DENND5B: variants seen among roughly 807,000 people sequenced by gnomAD.
The protein encoded by DENND5B is DENN domain-containing protein 5B.
Under a neutral mutation model 140.6 loss-of-function variants are expected in DENND5B, and 34 were observed. The ratio of observed to expected loss-of-function variants is 0.24; its 90% confidence interval spans 0.18 to 0.32. The LOEUF (loss-of-function observed/expected upper bound fraction) is 0.32. DENND5B is among the 10% of genes least tolerant of loss of function. DENND5B has a pLI of 1.00. For synonymous variants in DENND5B, 551 were observed against 562.1 expected (o/e 0.98, Z 0.28); for missense variants, 1,142 against 1,560.2 (o/e 0.73, Z 4.52).
At chr12:31,536,409 A>G (rs116705672) in intron 1 of DENND5B, among the ~76,000 whole-genome samples, 151 of 152,250 alleles carry the variant, frequency 9.9e-4, no homozygotes, top group African/African-American at 3.6e-3. Context: ...GAAATTCTGG[A>G]GTTGAAATAT....
chr12:31,405,557 T>TGTAC (rs1489743453), intron 14 of DENND5B, among the ~76,000 whole-genome samples: 5 of 151,546 alleles, frequency 3.3e-5, no homozygotes, highest in Non-Finnish European at 7.4e-5. Flanking sequence ...TATGTATGTA[T>TGTAC]GTATTTTTGA....
At chr12:31,501,651 T>C (rs1473069646) in intron 1 of DENND5B, among the ~76,000 whole-genome samples, 2 of 151,618 alleles carry the variant, frequency 1.3e-5, no homozygotes, top group South Asian at 2.1e-4. Flanking sequence ...TGCATGCCTG[T>C]AGTCCCAGCT....
At chr12:31,435,814 C>T (rs897318010) in intron 7 of DENND5B, among the ~76,000 whole-genome samples, 6 of 152,024 alleles carry the variant, frequency 3.9e-5, no homozygotes, top group African/African-American at 1.4e-4. Flanking sequence ...GTGCACACCA[C>T]CACACCCGGC....
chr12:31,399,442 C>A (rs962858906), intron 16 of DENND5B, among the ~76,000 whole-genome samples: 10 of 151,674 alleles, frequency 6.6e-5, no homozygotes, highest in Admixed American at 1.3e-4. Flanking sequence ...CCATGCCCTG[C>A]TAATTTTTTT....
At chr12:31,489,522 G>A (rs1038844457) in intron 2 of DENND5B, among the ~76,000 whole-genome samples, 2 of 152,292 alleles carry the variant, frequency 1.3e-5, no homozygotes, top group South Asian at 4.1e-4. Flanking sequence ...TTAAGAGATG[G>A]TTTTGCAGTG....
chr12:31,573,122 G>C (rs996263757), intron 1 of DENND5B, among the ~76,000 whole-genome samples: 1 of 152,112 alleles, frequency 6.6e-6, no homozygotes, highest in Non-Finnish European at 1.5e-5. Flanking sequence ...AGAGGTCAGG[G>C]AACAGGGTAC....
At position 31,448,924 on chromosome 12, in the gene DENND5B, G is replaced by A. The variant is rs532425606; in HGVS notation, c.1630-1155C>T. Reference sequence around the variant, plus strand: ...AGCCTTTGGAGAACGAGTACAATAAGCTGTACACCTTTCCTGTTACTAGCC... The same window carrying A: ...AGCCTTTGGAGAACGAGTACAATAAACTGTACACCTTTCCTGTTACTAGCC... On this transcript the variant is annotated intron_variant, in intron 5 of 20. Transcript: ENST00000389082. Among the ~76,000 whole-genome samples, 3 of 152,312 alleles carry A rather than the reference G, an allele frequency of 2.0e-5. No individual in the cohort carries two copies. The East Asian group carries it at 5.8e-4, about 29-fold the overall frequency.
intron 11 of DENND5B, among the ~76,000 whole-genome samples, chr12:31,420,820 T>C (rs1389272343): frequency 6.6e-6 from 1 of 152,200 alleles, no homozygotes. Flanking sequence ...AATTGTATTC[T>C]GAACTTCTTT....
rs1491109183 is a variant in DENND5B, at chr12:31,399,127, C to CAAAAAAAAAAA, written c.3068+516_3068+526dup. On this transcript the variant is annotated intron_variant, in intron 16 of 20. Coordinates refer to ENST00000389082, the MANE Select transcript of DENND5B (RefSeq NM_144973.4). ...ACAAGAGTGAAACTCTGTCTCAGCC[C>CAAAAAAAAAAA]AAAAAAAAAAAAAAAAAAGAGAGAG... Among the ~76,000 whole-genome samples the CAAAAAAAAAAA allele has an allele frequency of 1.4e-4, 2 of 13,898 alleles. 1 individual carries two copies. The allele number at this position is 13,898 out of a possible 152,430, so 9.1% of individuals were successfully genotyped here. A position where few individuals can be genotyped will look rare whatever the true frequency, so the allele number is the denominator to read the frequency against.
At chr12:31,519,128 G>A (rs79087139) in intron 1 of DENND5B, among the ~76,000 whole-genome samples, 5,016 of 152,266 alleles carry the variant, frequency 0.033, 96 homozygotes, top group South Asian at 0.052. Context: ...AAGGAGATAC[G>A]GAAGACAAAC....
At chr12:31,436,107 C>T (rs1943742443) in intron 7 of DENND5B, among the ~76,000 whole-genome samples, 1 of 151,008 alleles carries the variant, frequency 6.6e-6, no homozygotes, top group Non-Finnish European at 1.5e-5. Flanking sequence ...CTAAAGCCCC[C>T]CCACTTTTTT....
At chr12:31,539,066 A>C (rs557118309) in intron 1 of DENND5B, among the ~76,000 whole-genome samples, 1 of 152,196 alleles carries the variant, frequency 6.6e-6, no homozygotes, top group South Asian at 2.1e-4. Context: ...TTCAACTGAT[A>C]CCACAGAAAT....
chr12:31,392,570 T>C (rs1941205758), intron 18 of DENND5B, 44 bp downstream of exon 18: 2 of 1,534,304 alleles, frequency 1.3e-6, no homozygotes, highest in Non-Finnish European at 1.8e-6. Context: ...TATAAAAGCA[T>C]CTTTAAAAGT....
chr12:31,590,800 G>T lies in DENND5B; in HGVS notation c.33C>A (p.Gly11=). 1 of 1,315,874 alleles carries T rather than the reference G, an allele frequency of 7.6e-7. No individual in the cohort carries two copies. Among genetic ancestry groups the T allele is most frequent in the Admixed American group, 3.7e-5 (1 of 27,276 alleles). The allele number at this position is 1,315,874 out of a possible 1,614,324, so 81.5% of individuals were successfully genotyped here. A position where few individuals can be genotyped will look rare whatever the true frequency, so the allele number is the denominator to read the frequency against. The part of the protein sequence containing the change: MSGSCAAPGP[G]SGSSPAACRF... ...GGCAGGCGGCCGGGGAGGAGCCCGA[G>T]CCCGGGCCGGGCGCCGCGCAGCTCC... is the stretch of plus-strand genomic sequence containing the variant. Residue 11 remains glycine, a synonymous_variant, in exon 1 of 21, where the codon GGC becomes GGA. Coordinates refer to ENST00000389082, the MANE Select transcript of DENND5B (RefSeq NM_144973.4).
intron 1 of DENND5B, among the ~76,000 whole-genome samples, chr12:31,527,746 C>T (rs1284198163): frequency 6.6e-6 from 1 of 152,056 alleles, no homozygotes; most frequent in Non-Finnish European, 1.5e-5. Context: ...CCACTACACT[C>T]TAGCCTGCGT....
rs1270903742 is a variant in DENND5B, at chr12:31,538,972, G to GA, written c.128-43054dup. ...TGAAACAAAAGGTTTTTTTTTTTTT[G>GA]AAAAAAAAAATTGACAAACTGCTAG... On this transcript the variant is annotated intron_variant, in intron 1 of 20. Coordinates refer to ENST00000389082, the MANE Select transcript of DENND5B (RefSeq NM_144973.4). Among the ~76,000 whole-genome samples, 582 of 131,012 alleles carry GA rather than the reference G, an allele frequency of 4.4e-3. 5 individuals carry two copies. Among genetic ancestry groups the GA allele is most frequent in the African/African-American group, 0.015 (531 of 34,498 alleles). 85.9% of individuals were successfully genotyped at this position (131,012 alleles called of 152,430 possible).
At chr12:31,504,682 G>C (rs976077209) in intron 1 of DENND5B, among the ~76,000 whole-genome samples, 6 of 152,222 alleles carry the variant, frequency 3.9e-5, no homozygotes, top group Admixed American at 6.5e-5. Context: ...TTTGTGACCA[G>C]AGACTTTCTC....
intron 3 of DENND5B, among the ~76,000 whole-genome samples, chr12:31,468,545 A>T (rs1192532639): frequency 2.0e-5 from 3 of 152,102 alleles, no homozygotes; most frequent in Non-Finnish European, 4.4e-5. Flanking sequence ...AATGGCTCAT[A>T]CCTGTGATCC....
intron 1 of DENND5B, among the ~76,000 whole-genome samples, chr12:31,588,509 T>A (rs1227716089): frequency 6.6e-6 from 1 of 152,248 alleles, no homozygotes; most frequent in African/African-American, 2.4e-5. Flanking sequence ...CTTCTTTTCT[T>A]GTCATTATTC....
Sources: allele counts gnomAD v4.1 joint callset (sites outside exome capture counted in the v4.1 genomes callset), GRCh38; gene constraint gnomAD v4.1.1; transcripts MANE v1.5; gene names NCBI Gene and HGNC (gene_info 2026-07-23, HGNC 2026-07-21).